The following CYTH3 variants were observed in gnomAD, a reference collection of about 807,000 sequenced individuals.
CYTH3 encodes the protein cytohesin-3.
A neutral mutation model predicts 55.1 loss-of-function variants in CYTH3; 23 were observed. The ratio of observed to expected loss-of-function variants is 0.42; its 90% CI spans 0.30 to 0.59. CYTH3 has a LOEUF of 0.59. CYTH3 is among the 20% of genes least tolerant of loss of function. CYTH3 has a pLI of 0.20. For synonymous variants in CYTH3, 249 were observed against 194.9 expected (o/e 1.28, Z -2.31); for missense variants, 413 against 524.8 (o/e 0.79, Z 2.08).
chr7:6,213,711 C>A (rs1784369968), intron 1 of CYTH3, among the ~76,000 whole-genome samples: 1 of 151,910 alleles, frequency 6.6e-6, no homozygotes, highest in Non-Finnish European at 1.5e-5. Flanking sequence ...TGTCTGAAGA[C>A]ACAATCTCAT....
intron 1 of CYTH3, among the ~76,000 whole-genome samples, chr7:6,203,779 C>T (rs1300683445): frequency 6.6e-6 from 1 of 151,748 alleles, no homozygotes; most frequent in Non-Finnish European, 1.5e-5. Flanking sequence ...AATGCAATGG[C>T]CCAATCTCGG....
chr7:6,168,186 T>G (rs1326731692), intron 9 of CYTH3, among the ~76,000 whole-genome samples: 1 of 151,782 alleles, frequency 6.6e-6, no homozygotes, highest in South Asian at 2.1e-4. Flanking sequence ...ACACACTTTC[T>G]GTATGGCAGC....
chr7:6,164,573 G>A lies in CYTH3; in HGVS notation c.*371C>T, dbSNP rs375063544. On this transcript the variant is annotated 3_prime_UTR_variant, in exon 13 of 13. Coordinates refer to ENST00000350796, the MANE Select transcript of CYTH3 (RefSeq NM_004227.4). ...GGCTCCCGTCTGTGGAATCCGTCCC[G>A]TGTCTGCTGTGGAGACAGCGGAAGC... 13 of 263,592 alleles carry A rather than the reference G, an allele frequency of 4.9e-5. No homozygotes were observed. In the East Asian group the frequency reaches 6.8e-4, roughly 14 times the overall value. 16.3% of individuals were successfully genotyped at this position (263,592 alleles called of 1,614,324 possible).
At chr7:6,165,461 G>A (rs201977150) in intron 11 of CYTH3, 34 bp from the exon 12 acceptor site, 7 of 1,609,212 alleles carry the variant, frequency 4.3e-6, no homozygotes, top group Non-Finnish European at 5.1e-6. Flanking sequence ...GGCGGTCAGG[G>A]GGGCTTGGGG....
At chr7:6,219,575 C>T (rs892623092) in intron 1 of CYTH3, among the ~76,000 whole-genome samples, 1 of 152,110 alleles carries the variant, frequency 6.6e-6, no homozygotes, top group Non-Finnish European at 1.5e-5. Context: ...GAGATTTAAG[C>T]CTGTCACTCA....
Position 6,164,772 on chromosome 7 carries a change from C to T in CYTH3, c.*172G>A. ...ACTGCAGGGCGACCACCTCCCAGGACCCCAGCCACGGCACGAGGCCTTGGG... is the reference window on the plus strand; with the variant it reads ...ACTGCAGGGCGACCACCTCCCAGGATCCCAGCCACGGCACGAGGCCTTGGG... On this transcript the variant is annotated 3_prime_UTR_variant, in exon 13 of 13. Transcript: ENST00000350796. 1.4e-6 allele frequency: 1 copy of T among 739,522 alleles called. No individual in the cohort carries two copies. Among genetic ancestry groups the T allele is most frequent in the Middle Eastern group, 4.0e-4 (1 of 2,520 alleles). 45.8% of individuals were successfully genotyped at this position (739,522 alleles called of 1,614,324 possible).
At position 6,187,846 on chromosome 7, in the gene CYTH3, A is replaced by G. The variant is rs1200879337; in HGVS notation, c.118-125T>C. The stretch of plus-strand genomic sequence containing the variant: ...CTCACCGGAGCATCACAGGGATGGA[A>G]AAACCAATACTATTATCAATACAGC... On this transcript the variant is annotated intron_variant, in intron 2 of 12. Transcript: ENST00000350796. The G allele has an allele frequency of 7.8e-6, 6 of 770,388 alleles. No homozygotes were observed. In the East Asian group the frequency reaches 1.5e-4, roughly 19 times the overall value. The allele number at this position is 770,388 out of a possible 1,614,324, so 47.7% of individuals were successfully genotyped here.
intron 1 of CYTH3, among the ~76,000 whole-genome samples, chr7:6,204,472 G>A (rs1348710646): frequency 1.3e-5 from 2 of 152,188 alleles, no homozygotes; most frequent in African/African-American, 4.8e-5. Context: ...ACAGGCTGCT[G>A]CTCAGCTGGC....
At chr7:6,191,963 C>G (rs1012474922) in intron 1 of CYTH3, among the ~76,000 whole-genome samples, 12 of 151,904 alleles carry the variant, frequency 7.9e-5, no homozygotes, top group African/African-American at 2.9e-4. Context: ...CCTGTGGGCC[C>G]AGTCACTTTG....
chr7:6,180,598 A>G (rs188928272), intron 4 of CYTH3, among the ~76,000 whole-genome samples: 14 of 152,350 alleles, frequency 9.2e-5, no homozygotes, highest in Admixed American at 4.6e-4. Flanking sequence ...GAACTGAGCG[A>G]GAATAGATTT....
intron 5 of CYTH3, among the ~76,000 whole-genome samples, chr7:6,174,709 G>A (rs59304454): frequency 0.038 from 5,768 of 151,998 alleles, 190 homozygotes; most frequent in African/African-American, 0.09. Flanking sequence ...CAGCACGCCT[G>A]GCTAATTTTT....
In CYTH3 at chr7:6,171,450, G is replaced by C; in HGVS notation, c.450-136C>G. 2 of 686,810 alleles carry C rather than the reference G, an allele frequency of 2.9e-6. No homozygotes were observed. Among genetic ancestry groups the C allele is most frequent in the Non-Finnish European group, 5.0e-6 (2 of 401,858 alleles). 42.5% of individuals were successfully genotyped at this position (686,810 alleles called of 1,614,324 possible). ...ACAGCTCTGGCAGGGGCTTGGGGGC[G>C]CAGAGACAGAAAGGAGAAGACCCAG... On this transcript the variant is annotated intron_variant, in intron 6 of 12. Transcript: ENST00000350796. The surrounding 1 kb of genome is among the most constrained non-coding windows in gnomAD (Gnocchi z 6.7).
intron 1 of CYTH3, among the ~76,000 whole-genome samples, chr7:6,203,929 G>A: frequency 6.6e-6 from 1 of 151,984 alleles, no homozygotes; most frequent in Non-Finnish European, 1.5e-5. Context: ...GTGTTAGCCA[G>A]GATGGTCTTG....
intron 1 of CYTH3, among the ~76,000 whole-genome samples, chr7:6,197,225 T>C (rs1783956327): frequency 6.6e-6 from 1 of 152,170 alleles, no homozygotes; most frequent in Non-Finnish European, 1.5e-5. Flanking sequence ...GCCGTTTACT[T>C]TACCAGTACT....
rs555667751 is a variant in CYTH3, at chr7:6,167,813, T to G, written c.824-2003A>C. Reference sequence around the variant, plus strand: ...CCAGCATGGTGGACAGCAAAGGACCTGTATGTTCCACTAGCCCACACACCT... The same window carrying G: ...CCAGCATGGTGGACAGCAAAGGACCGGTATGTTCCACTAGCCCACACACCT... On this transcript the variant is annotated intron_variant, in intron 9 of 12. Coordinates refer to ENST00000350796, the MANE Select transcript of CYTH3 (RefSeq NM_004227.4). This position sits in a 1 kb window ranked among gnomAD's most constrained non-coding sequence, Gnocchi z 5.5. 2.0e-5 allele frequency among the ~76,000 whole-genome samples: 3 copies of G among 152,362 alleles called. No homozygotes were observed. The highest frequency in any genetic ancestry group is 2.0e-4 in the Admixed American group (3 of 15,312).
At position 6,272,594 on chromosome 7, in the gene CYTH3, C is replaced by T. The variant is rs969791986; in HGVS notation, c.-87G>A. 2.3e-5 allele frequency: 24 copies of T among 1,055,828 alleles called. No individual in the cohort carries two copies. The highest frequency in any genetic ancestry group is 2.8e-5 in the Non-Finnish European group (24 of 865,122). 65.4% of individuals were successfully genotyped at this position (1,055,828 alleles called of 1,614,324 possible). A position where few individuals can be genotyped will look rare whatever the true frequency, so the allele number is the denominator to read the frequency against. On this transcript the variant is annotated 5_prime_UTR_variant, in exon 1 of 13. Transcript: ENST00000350796. ...GACGCCGCCGGAGGGAGCGCGCAGG[C>T]GACCGGGCGGCTCCTCAGCGCGCGG... is the stretch of plus-strand genomic sequence containing the variant.
chr7:6,190,021 G>A lies in CYTH3; in HGVS notation c.117+428C>T, dbSNP rs193187947. 3.5e-3 allele frequency among the ~76,000 whole-genome samples: 527 copies of A among 152,262 alleles called. 2 individuals carry two copies. Among genetic ancestry groups the A allele is most frequent in the Middle Eastern group, 6.8e-3 (2 of 294 alleles). On this transcript the variant is annotated intron_variant, in intron 2 of 12. Coordinates refer to ENST00000350796, the MANE Select transcript of CYTH3 (RefSeq NM_004227.4). ...ACTGCACTCCAGCCTGGGCAACAGA[G>A]CGAGACTCTGTCTCAAAAAAGCAAA...
At chr7:6,228,488 G>C (rs1326299441) in intron 1 of CYTH3, among the ~76,000 whole-genome samples, 1 of 152,110 alleles carries the variant, frequency 6.6e-6, no homozygotes, top group African/African-American at 2.4e-5. Context: ...TGTGTGGGAG[G>C]GTAGGATTCA....
chr7:6,206,477 A>T lies in CYTH3; in HGVS notation c.35-15946T>A, dbSNP rs182247362. ...GGGAGGCAGAAAGTACTGCCTGAAG[A>T]AGGGCATATCAGAGCCTCCTGTGAT... On this transcript the variant is annotated intron_variant, in intron 1 of 12. Coordinates refer to ENST00000350796, the MANE Select transcript of CYTH3 (RefSeq NM_004227.4). Among the ~76,000 whole-genome samples the T allele has an allele frequency of 5.9e-5, 9 of 152,332 alleles. No individual in the cohort carries two copies. In the East Asian group the frequency reaches 1.3e-3, roughly 23 times the overall value.
Sources: allele counts gnomAD v4.1 joint callset (sites outside exome capture counted in the v4.1 genomes callset), GRCh38; gene constraint gnomAD v4.1.1; non-coding constraint Gnocchi (gnomAD v3.1); transcripts MANE v1.5; gene names NCBI Gene and HGNC (gene_info 2026-07-23, HGNC 2026-07-21).